BCAR3: variants seen among roughly 807,000 people sequenced by gnomAD.
BCAR3 encodes breast cancer anti-estrogen resistance protein 3.
Under a neutral mutation model 80.1 loss-of-function variants are expected in BCAR3, and 37 were observed. That is an observed-to-expected ratio of 0.46 (90% CI 0.36 to 0.61). BCAR3 has a LOEUF of 0.61. BCAR3 is among the 20% of genes least tolerant of loss of function. The probability of loss-of-function intolerance (pLI) is 0.00; values close to 1 mark genes in which losing one functional copy is unlikely to be tolerated. For synonymous variants in BCAR3, 389 were observed against 418.9 expected (o/e 0.93, Z 0.87); for missense variants, 978 against 1,068.2 (o/e 0.92, Z 1.18).
At chr1:93,739,070 C>T (rs982011652) in intron 2 of BCAR3, among the ~76,000 whole-genome samples, 4 of 152,286 alleles carry the variant, frequency 2.6e-5, no homozygotes, top group African/African-American at 9.6e-5. Context: ...CAATACTGAA[C>T]GTTTTTCGTC....
intron 2 of BCAR3, among the ~76,000 whole-genome samples, chr1:93,740,335 A>G (rs1275121340): frequency 6.6e-6 from 1 of 152,204 alleles, no homozygotes; most frequent in African/African-American, 2.4e-5. Context: ...CTGTGGAGGG[A>G]GAGGCTTCCA....
chr1:93,695,071 C>G (rs1225772072), intron 3 of BCAR3, among the ~76,000 whole-genome samples: 1 of 152,244 alleles, frequency 6.6e-6, no homozygotes, highest in Non-Finnish European at 1.5e-5. Context: ...TTCCCTGGCA[C>G]CTGGCCCTTG....
intron 2 of BCAR3, among the ~76,000 whole-genome samples, chr1:93,741,947 G>A (rs1651195193): frequency 6.6e-6 from 1 of 152,200 alleles, no homozygotes; most frequent in Admixed American, 6.5e-5. Context: ...CTCCAAAGAG[G>A]TTAAATCATT....
Position 93,714,141 on chromosome 1 carries a change from C to G in BCAR3, c.-62-7999G>C, listed in dbSNP as rs377750469. On this transcript the variant is annotated intron_variant, in intron 2 of 13. Transcript: ENST00000370244. ...GGGACTACAGGCACCCACAACCACA[C>G]CCAGCTAATTTTTGTATTTTTAGTA... Among the ~76,000 whole-genome samples the G allele has an allele frequency of 1.6e-3, 243 of 152,224 alleles. 1 individual carries two copies. The highest frequency in any genetic ancestry group is 5.6e-3 in the African/African-American group (234 of 41,524).
Position 93,802,030 on chromosome 1 carries a change from A to C in BCAR3, c.-63+43537T>G, listed in dbSNP as rs540818025. 5.3e-5 allele frequency among the ~76,000 whole-genome samples: 8 copies of C among 152,112 alleles called. No individual in the cohort carries two copies. The South Asian group carries it at 1.7e-3, about 32-fold the overall frequency. On this transcript the variant is annotated intron_variant, in intron 2 of 13. Coordinates refer to the BCAR3 transcript ENST00000370244. The stretch of plus-strand genomic sequence containing the variant: ...CTCCTCAGGAGGCTGAGGCAGGAGA[A>C]TCACCTGAACCTGGCTTGAACCTGG...
chr1:93,788,778 T>G (rs1228967867), intron 2 of BCAR3, among the ~76,000 whole-genome samples: 3 of 152,194 alleles, frequency 2.0e-5, no homozygotes, highest in Non-Finnish European at 4.4e-5. Flanking sequence ...CTTCATTTTT[T>G]GGGCACTGTT....
intron 2 of BCAR3, among the ~76,000 whole-genome samples, chr1:93,735,353 C>T (rs555188717): frequency 1.1e-4 from 16 of 152,276 alleles, no homozygotes; most frequent in African/African-American, 3.6e-4. Context: ...AGATAAGGAC[C>T]CTCCTCTCCC....
chr1:93,688,731 G>T (rs1649060618), intron 3 of BCAR3, among the ~76,000 whole-genome samples: 1 of 152,080 alleles, frequency 6.6e-6, no homozygotes. Flanking sequence ...TAGTAGCTGG[G>T]ATTACAGGCG....
intron 2 of BCAR3, among the ~76,000 whole-genome samples, chr1:93,725,808 C>G (rs1456804515): frequency 6.6e-6 from 1 of 152,046 alleles, no homozygotes; most frequent in East Asian, 1.9e-4. Context: ...AATTTTTTGC[C>G]TTATTAACCA....
rs1673784042 is a variant in BCAR3, at chr1:93,583,028, GCTCCCCAGCC to G, written c.1034-85_1034-76del. 6 of 1,452,734 alleles carry G rather than the reference GCTCCCCAGCC, an allele frequency of 4.1e-6. No homozygotes were observed. The South Asian group carries it at 8.2e-5, about 20-fold the overall frequency. 90.0% of individuals were successfully genotyped at this position (1,452,734 alleles called of 1,614,324 possible). A position where few individuals can be genotyped will look rare whatever the true frequency, so the allele number is the denominator to read the frequency against. ...TAAAACAAACAAAACCAGAGTGGCA[GCTCCCCAGCC>G]CTCCATTCATGCCCTTGGGCTTCAA... On this transcript the variant is annotated intron_variant, in intron 6 of 11. Coordinates refer to ENST00000260502, the MANE Select transcript of BCAR3 (RefSeq NM_003567.4).
chr1:93,652,650 T>A (rs1310826210), intron 2 of BCAR3, among the ~76,000 whole-genome samples: 1 of 152,014 alleles, frequency 6.6e-6, no homozygotes, highest in Non-Finnish European at 1.5e-5. Context: ...TTTTTTTTTA[T>A]AATTTTTTTT....
intron 2 of BCAR3, among the ~76,000 whole-genome samples, chr1:93,740,368 T>C (rs1054550035): frequency 1.3e-5 from 2 of 152,152 alleles, no homozygotes; most frequent in African/African-American, 4.8e-5. Flanking sequence ...AGCTGGGCCA[T>C]CCACTTTTAA....
rs1393665449 is a variant in BCAR3 at position 93,741,964 on chromosome 1, T to G, written c.-62-35822A>C. On this transcript the variant is annotated intron_variant, in intron 2 of 13. Coordinates refer to the BCAR3 transcript ENST00000370244. Reference sequence around the variant, plus strand: ...CCAAAGAGGTTAAATCATTTGTCCATCTAACCCAGATGGTAAGTGATGGAG... The same window carrying G: ...CCAAAGAGGTTAAATCATTTGTCCAGCTAACCCAGATGGTAAGTGATGGAG... 1.3e-5 allele frequency among the ~76,000 whole-genome samples: 2 copies of G among 152,244 alleles called. 1 individual carries two copies. The highest frequency in any genetic ancestry group is 3.8e-4 in the East Asian group (2 of 5,198).
At chr1:93,636,411 T>C (rs1396829987) in intron 3 of BCAR3, among the ~76,000 whole-genome samples, 1 of 152,218 alleles carries the variant, frequency 6.6e-6, no homozygotes, top group East Asian at 1.9e-4. Context: ...ACTAGGAATC[T>C]AGCCAGGAAC....
At chr1:93,838,838 C>T (rs958657107) in intron 2 of BCAR3, among the ~76,000 whole-genome samples, 1 of 152,054 alleles carries the variant, frequency 6.6e-6, no homozygotes, top group African/African-American at 2.4e-5. Context: ...ATAAAATGCA[C>T]AGAATGGATC....
At chr1:93,696,008 TC>T (rs1264882772) in intron 3 of BCAR3, among the ~76,000 whole-genome samples, 1 of 151,966 alleles carries the variant, frequency 6.6e-6, no homozygotes, top group Non-Finnish European at 1.5e-5. Flanking sequence ...CACACATACT[TC>T]CACAGTATAA....
chr1:93,612,096 C>G (rs1428613998), intron 3 of BCAR3, among the ~76,000 whole-genome samples: 1 of 152,172 alleles, frequency 6.6e-6, no homozygotes, highest in Admixed American at 6.5e-5. Flanking sequence ...TGGGGCACCA[C>G]TGGCAGGATG....
intron 9 of BCAR3, among the ~76,000 whole-genome samples, chr1:93,569,180 C>T (rs547919745): frequency 6.6e-6 from 1 of 152,310 alleles, no homozygotes; most frequent in South Asian, 2.1e-4. Context: ...GGAATAAGAG[C>T]CAAGTTTGTG....
intron 2 of BCAR3, among the ~76,000 whole-genome samples, chr1:93,732,221 C>T (rs576431427): frequency 2.0e-5 from 3 of 152,294 alleles, no homozygotes; most frequent in East Asian, 1.9e-4. Flanking sequence ...TCCTAGACAA[C>T]GTGTCCAGTG....
Sources: gnomAD v4.1 joint callset for allele counts (sites outside exome capture counted in the v4.1 genomes callset) on GRCh38, gnomAD v4.1.1 for gene constraint, MANE v1.5 for transcripts, NCBI Gene and HGNC (gene_info 2026-07-23, HGNC 2026-07-21) for gene names.